The following TFDP2 variants were observed in gnomAD, a reference collection of about 807,000 sequenced individuals.
The protein encoded by TFDP2 is transcription factor Dp-2 (E2F dimerization partner 2).
In TFDP2, 17 loss-of-function variants were observed where a neutral mutation model predicts 59.3. That is an observed-to-expected ratio of 0.29 (90% CI 0.20 to 0.43). The LOEUF (loss-of-function observed/expected upper bound fraction) is 0.43. TFDP2 is among the 20% of genes least tolerant of loss of function. The probability of loss-of-function intolerance (pLI) is 1.00; values close to 1 mark genes in which losing one functional copy is unlikely to be tolerated. For missense variants in TFDP2, 391 were observed against 528.8 expected, an observed-to-expected ratio of 0.74 and a Z score of 2.56; for synonymous variants, 180 against 194.7, an observed-to-expected ratio of 0.92 and a Z score of 0.63.
At chr3:142,063,007 G>A (rs1156733946) in intron 3 of TFDP2, among the ~76,000 whole-genome samples, 5 of 152,134 alleles carry the variant, frequency 3.3e-5, no homozygotes, top group African/African-American at 1.2e-4. Context: ...TAGGGTGCTG[G>A]TTATATTCTG....
chr3:142,077,844 C>A (rs2060514787), intron 3 of TFDP2, among the ~76,000 whole-genome samples: 1 of 152,138 alleles, frequency 6.6e-6, no homozygotes, highest in Non-Finnish European at 1.5e-5. Context: ...ACCAGCTGAG[C>A]CACCAGCTGA....
intron 3 of TFDP2, among the ~76,000 whole-genome samples, chr3:142,048,450 G>C (rs1179073576): frequency 6.6e-6 from 1 of 151,552 alleles, no homozygotes; most frequent in East Asian, 1.9e-4. Flanking sequence ...AGAGAAAAAA[G>C]ATTAGTAGAG....
At chr3:142,081,028 A>G (rs942473257) in intron 3 of TFDP2, among the ~76,000 whole-genome samples, 5 of 152,234 alleles carry the variant, frequency 3.3e-5, no homozygotes, top group Admixed American at 6.5e-5. Flanking sequence ...ATGGCTGCAC[A>G]ATACACATTC....
At chr3:142,073,457 A>ACCC (rs34003718) in intron 3 of TFDP2, among the ~76,000 whole-genome samples, 5 of 14,062 alleles carry the variant, frequency 3.6e-4, no homozygotes, top group Non-Finnish European at 5.7e-4. Flanking sequence ...CAAACAAACA[A>ACCC]CCCCCCCCCC....
chr3:142,115,593 C>G (rs1430339726), intron 1 of TFDP2, among the ~76,000 whole-genome samples: 1 of 152,212 alleles, frequency 6.6e-6, no homozygotes, highest in Non-Finnish European at 1.5e-5. Context: ...ACTGGGATTA[C>G]AGGCGTGAGC....
chr3:142,041,639 C>A (rs1047639373), intron 3 of TFDP2, among the ~76,000 whole-genome samples: 1 of 152,186 alleles, frequency 6.6e-6, no homozygotes, highest in African/African-American at 2.4e-5. Context: ...TTCTTCATAG[C>A]AGTATGAAAA....
chr3:142,069,301 C>T (rs956216615), intron 3 of TFDP2, among the ~76,000 whole-genome samples: 36 of 152,146 alleles, frequency 2.4e-4, no homozygotes, highest in African/African-American at 7.0e-4. Context: ...CATAGCATTC[C>T]ATTATATGTA....
At chr3:142,024,635 C>T (rs1945920875) in intron 3 of TFDP2, among the ~76,000 whole-genome samples, 1 of 152,102 alleles carries the variant, frequency 6.6e-6, no homozygotes, top group Admixed American at 6.6e-5. Flanking sequence ...GGCTCAGGTT[C>T]CTCTAAGACC....
chr3:141,987,265 TTGTGTGTG>T (rs56988461), intron 6 of TFDP2, among the ~76,000 whole-genome samples: 40 of 132,772 alleles, frequency 3.0e-4, no homozygotes, highest in Admixed American at 1.4e-3. Context: ...GCTGTCAGAT[TTGTGTGTG>T]TGTGTGTGTG....
chr3:141,959,505 A>T (rs6440054), intron 11 of TFDP2, among the ~76,000 whole-genome samples, 169 bp downstream of exon 11: 134,507 of 152,204 alleles, frequency 0.88, 59,668 homozygotes, highest in African/African-American at 0.97. Context: ...TATGAAACAA[A>T]CTATTTAATC....
At chr3:141,979,488 G>T (rs1941201391) in intron 6 of TFDP2, among the ~76,000 whole-genome samples, 1 of 152,178 alleles carries the variant, frequency 6.6e-6, no homozygotes, top group South Asian at 2.1e-4. Context: ...ACAGCTCCAT[G>T]TGTGTTACTG....
At chr3:141,967,170 C>T (rs1266878922) in intron 9 of TFDP2, among the ~76,000 whole-genome samples, 1 of 151,852 alleles carries the variant, frequency 6.6e-6, no homozygotes, top group East Asian at 1.9e-4. Context: ...CCACCTCGGC[C>T]TCCCCAAGTG....
At chr3:142,035,990 G>A (rs536884054) in intron 3 of TFDP2, among the ~76,000 whole-genome samples, 1 of 152,244 alleles carries the variant, frequency 6.6e-6, no homozygotes, top group East Asian at 1.9e-4. Context: ...CACATACTTG[G>A]TGACTATCAG....
At chr3:142,066,566 G>C (rs1314631205) in intron 3 of TFDP2, among the ~76,000 whole-genome samples, 1 of 152,052 alleles carries the variant, frequency 6.6e-6, no homozygotes, top group African/African-American at 2.4e-5. Context: ...CAGTGGTATG[G>C]GTACTCGAAA....
intron 3 of TFDP2, among the ~76,000 whole-genome samples, chr3:142,068,948 C>T (rs1318787678): frequency 3.9e-5 from 6 of 152,062 alleles, no homozygotes; most frequent in African/African-American, 1.5e-4. Flanking sequence ...CAGAGTCTTG[C>T]TCTGTCACCC....
At chr3:142,031,704 C>T (rs1946439947) in intron 3 of TFDP2, among the ~76,000 whole-genome samples, 2 of 152,184 alleles carry the variant, frequency 1.3e-5, no homozygotes, top group African/African-American at 4.8e-5. Context: ...GCTGGACATT[C>T]TCCTAGGTTT....
intron 1 of TFDP2, among the ~76,000 whole-genome samples, chr3:142,140,651 G>C (rs1379058301): frequency 6.6e-6 from 1 of 152,172 alleles, no homozygotes. Flanking sequence ...GAGTTTGCTG[G>C]AGGTCCACTC....
chr3:142,101,710 C>T (rs2061324482), intron 2 of TFDP2, 25 bp downstream of exon 2: 6 of 1,350,092 alleles, frequency 4.4e-6, no homozygotes, highest in Non-Finnish European at 5.9e-6. Context: ...ACAATACTTA[C>T]ATTAAAAAAT....
chr3:142,090,121 G>A (rs1342850842), intron 3 of TFDP2, among the ~76,000 whole-genome samples: 1 of 152,060 alleles, frequency 6.6e-6, no homozygotes, highest in African/African-American at 2.4e-5. Context: ...TCCTTCTGCT[G>A]TTACTAGCTA....
Sources: allele counts gnomAD v4.1 joint callset (sites outside exome capture counted in the v4.1 genomes callset), GRCh38; gene constraint gnomAD v4.1.1; transcripts MANE v1.5; gene names NCBI Gene and HGNC (gene_info 2026-07-23, HGNC 2026-07-21).